The following BCAN variants were observed in gnomAD, a reference collection of about 807,000 sequenced individuals.
The protein encoded by BCAN is brevican.
A neutral mutation model predicts 92.4 loss-of-function variants in BCAN; 51 were observed. The observed-to-expected ratio is 0.55, with a 90% CI of 0.44 to 0.70. The LOEUF is 0.70. Among genes scored for constraint, BCAN ranks in the 30% least tolerant of loss-of-function variants. BCAN has a pLI of 0.00. For missense variants in BCAN, 1,140 were observed against 1,212.1 expected (o/e 0.94, Z 0.88); for synonymous variants, 501 against 505.2 (o/e 0.99, Z 0.11).
chr1:156,652,353 A>G lies in BCAN; in HGVS notation c.1403A>G (p.Glu468Gly). The change falls in exon 8 of 14, where the codon GAA (glutamate) becomes GGA (glycine). Residue 468 changes from glutamate (E) to glycine (G), a missense_variant. Coordinates refer to ENST00000329117, the MANE Select transcript of BCAN (RefSeq NM_021948.5). ...GAAGATGAAGAAGAGAAAGAGGAGG[A>G]AGAAGAAGAGGAGGAGGTGGAGGAT... The part of the protein sequence containing the change: ...KYEDEEEKEE[E>G]EEEEEVEDEA... The G allele has an allele frequency of 6.2e-7, 1 of 1,613,812 alleles. No individual in the cohort carries two copies. The highest frequency in any genetic ancestry group is 8.5e-7 in the Non-Finnish European group (1 of 1,179,842).
chr1:156,647,100 G>C lies in BCAN; in HGVS notation c.391G>C (p.Asp131His). Residue 131 changes from aspartate (D) to histidine (H), a missense_variant, in exon 3 of 14, where the codon GAC becomes CAC. Around this residue, in one of 3 missense-constraint regions of BCAN, gnomAD observed 286 missense variants for 284.1 expected, o/e 1.01. Coordinates refer to ENST00000329117, the MANE Select transcript of BCAN (RefSeq NM_021948.5). This position sits in a 1 kb window ranked among gnomAD's most constrained non-coding sequence, Gnocchi z 4.8. Reference protein sequence around the residue: ...SLALSELRPNDSGIYRCEVQH... With the variant: ...SLALSELRPNHSGIYRCEVQH... ...GGCGCTGAGCGAGCTGCGCCCCAAC[G>C]ACTCAGGTATCTATCGCTGTGAGGT... The C allele has an allele frequency of 6.2e-7, 1 of 1,605,864 alleles. No individual in the cohort carries two copies. The highest frequency in any genetic ancestry group is 8.5e-7 in the Non-Finnish European group (1 of 1,174,102).
At chr1:156,655,187 C>T (rs546680684) in intron 8 of BCAN, among the ~76,000 whole-genome samples, 2 of 152,230 alleles carry the variant, frequency 1.3e-5, no homozygotes, top group Non-Finnish European at 2.9e-5. Context: ...TCCTTTGGGT[C>T]ATCTGAACCA....
At chr1:156,653,342 C>CA (rs1557990912) in intron 8 of BCAN, 1 of 1,048,368 alleles carries the variant, frequency 9.5e-7, no homozygotes, top group Non-Finnish European at 1.1e-6. Context: ...TCTCACCCCT[C>CA]AACCTCCGGA....
rs1679057382 is a variant in BCAN, at chr1:156,648,509, G to T, written c.770-59G>T. 19 of 1,509,834 alleles carry T rather than the reference G, an allele frequency of 1.3e-5. No individual in the cohort carries two copies. In the South Asian group the frequency reaches 2.0e-4, roughly 16 times the overall value. 93.5% of individuals were successfully genotyped at this position (1,509,834 alleles called of 1,614,324 possible). A position where few individuals can be genotyped will look rare whatever the true frequency, so the allele number is the denominator to read the frequency against. On this transcript the variant is annotated intron_variant, in intron 5 of 13. Transcript: ENST00000329117. ...AAGCTTGCCCAGGGTTCCCATGGGA[G>T]ACCAGAGTGGAAGGAGCTACCAGCT...
chr1:156,656,107 C>G (rs1043711464), intron 8 of BCAN, among the ~76,000 whole-genome samples, 175 bp from the exon 9 acceptor site: 2 of 152,162 alleles, frequency 1.3e-5, no homozygotes, highest in Non-Finnish European at 2.9e-5. Context: ...AAACCCAGAA[C>G]TCAGGGCTGG....
rs778115371 is a variant in BCAN at position 156,657,729 on chromosome 1, A to T, written c.2264A>T (p.Asp755Val). Residue 755 changes from aspartate to valine, a missense_variant, in exon 11 of 14, where the codon GAC becomes GTC. By Grantham distance (152) the Asp-to-Val change is radical. This residue lies in a region of BCAN where 825 missense variants were observed against 871.8 expected (regional missense o/e 0.95). Coordinates refer to ENST00000329117, the MANE Select transcript of BCAN (RefSeq NM_021948.5). ...IGLNDRTIEG[D>V]FLWSDGVPLL... ...CTCAACGACAGGACCATCGAAGGCG[A>T]CTTCTTGTGGTCGGATGGCGTCCCC... The T allele has an allele frequency of 1.1e-5, 17 of 1,612,162 alleles. No individual in the cohort carries two copies. Among genetic ancestry groups the T allele is most frequent in the African/African-American group, 2.7e-5 (2 of 74,698 alleles).
At position 156,653,229 on chromosome 1, in the gene BCAN, C is replaced by T. The variant is rs182618187; in HGVS notation, c.1942+337C>T. The T allele has an allele frequency of 1.3e-5, 16 of 1,270,594 alleles. No individual in the cohort carries two copies. In the Admixed American group the frequency reaches 3.8e-4, roughly 30 times the overall value. The allele number at this position is 1,270,594 out of a possible 1,614,324, so 78.7% of individuals were successfully genotyped here. Reference sequence around the variant, plus strand: ...CTCCAAGGGTCCTCATCACCTATTGCAGCCTTCAGGGCTCGGCCTATTTTC... The same window carrying T: ...CTCCAAGGGTCCTCATCACCTATTGTAGCCTTCAGGGCTCGGCCTATTTTC... On this transcript the variant is annotated intron_variant, in intron 8 of 13. Coordinates refer to ENST00000329117, the MANE Select transcript of BCAN (RefSeq NM_021948.5).
chr1:156,646,029 C>T lies in BCAN; in HGVS notation c.-8-18C>T. On this transcript the variant is annotated intron_variant, in intron 1 of 13. Coordinates refer to ENST00000329117, the MANE Select transcript of BCAN (RefSeq NM_021948.5). ...CTGAAGTCTAACCCCATCTTTCCTT[C>T]TCATGTCCCTCTGTCAGCCTGCAGC... 3.1e-6 allele frequency: 5 copies of T among 1,602,144 alleles called. No homozygotes were observed. The highest frequency in any genetic ancestry group is 4.3e-6 in the Non-Finnish European group (5 of 1,170,982).
rs80007792 is a variant in BCAN, at chr1:156,650,109, G to A, written c.1063+1248G>A. Among the ~76,000 whole-genome samples, 896 of 152,206 alleles carry A rather than the reference G, an allele frequency of 5.9e-3. 6 individuals are homozygous for A. Among genetic ancestry groups the A allele is most frequent in the Non-Finnish European group, 0.01 (700 of 68,004 alleles). Reference sequence around the variant, plus strand: ...ATAGGAAGACAGGTCCATCTGAAAAGACCTCCTGGAACAGGGGTAGTAGTA... The same window carrying A: ...ATAGGAAGACAGGTCCATCTGAAAAAACCTCCTGGAACAGGGGTAGTAGTA... On this transcript the variant is annotated intron_variant, in intron 6 of 13. Coordinates refer to ENST00000329117, the MANE Select transcript of BCAN (RefSeq NM_021948.5).
intron 2 of BCAN, among the ~76,000 whole-genome samples, chr1:156,646,347 T>C (rs1678961977): frequency 6.6e-6 from 1 of 151,954 alleles, no homozygotes; most frequent in Non-Finnish European, 1.5e-5. Flanking sequence ...GGGCACTGGG[T>C]GCAAGGCTTT....
Position 156,647,832 on chromosome 1 carries a change from C to T in BCAN, c.641+150C>T. The stretch of plus-strand genomic sequence containing the variant: ...CTGGTCTGAGGAGGGGAGGTGAGGA[C>T]CCTGAGCATGTGCATCCCTGCAGTG... On this transcript the variant is annotated intron_variant, in intron 4 of 13. Coordinates refer to ENST00000329117, the MANE Select transcript of BCAN (RefSeq NM_021948.5). This position sits in a 1 kb window ranked among gnomAD's most constrained non-coding sequence, Gnocchi z 4.8. The T allele has an allele frequency of 6.5e-7, 1 of 1,532,042 alleles. No individual in the cohort carries two copies. Among genetic ancestry groups the T allele is most frequent in the Non-Finnish European group, 9.0e-7 (1 of 1,110,054 alleles). The allele number at this position is 1,532,042 out of a possible 1,614,324, so 94.9% of individuals were successfully genotyped here. A position where few individuals can be genotyped will look rare whatever the true frequency, so the allele number is the denominator to read the frequency against.
chr1:156,656,218 G>C lies in BCAN; in HGVS notation c.1943-64G>C, dbSNP rs550306907. ...GGGGGACCCTCTGCACCCTCTCCTG[G>C]AGGGCTCAGGCTGCAGAGTGCGGCT... On this transcript the variant is annotated intron_variant, in intron 8 of 13. Transcript: ENST00000329117. 1.7e-5 allele frequency: 20 copies of C among 1,205,166 alleles called. No homozygotes were observed. The South Asian group carries it at 3.3e-4, about 20-fold the overall frequency. The allele number at this position is 1,205,166 out of a possible 1,614,324, so 74.7% of individuals were successfully genotyped here. A position where few individuals can be genotyped will look rare whatever the true frequency, so the allele number is the denominator to read the frequency against.
chr1:156,650,761 G>A (rs973798772), intron 6 of BCAN, among the ~76,000 whole-genome samples: 2 of 152,098 alleles, frequency 1.3e-5, no homozygotes, highest in African/African-American at 4.8e-5. Context: ...TGGCAAACAC[G>A]GGGAAACCCT....
At position 156,656,279 on chromosome 1, in the gene BCAN, C is replaced by G. The variant is rs745884694; in HGVS notation, c.1943-3C>G. On this transcript the variant is annotated splice_polypyrimidine_tract_variant and splice_region_variant and intron_variant, in intron 8 of 13. Transcript: ENST00000329117. ...CCCCGCCTCACTTCTTTCCCCCTCTCAGGTGACTGTGTCCCCAGCCCCTGC... is the reference window on the plus strand; with the variant it reads ...CCCCGCCTCACTTCTTTCCCCCTCTGAGGTGACTGTGTCCCCAGCCCCTGC... 2.0e-6 allele frequency: 3 copies of G among 1,473,650 alleles called. No individual in the cohort carries two copies. In the South Asian group the frequency reaches 4.8e-5, roughly 23 times the overall value. The allele number at this position is 1,473,650 out of a possible 1,614,324, so 91.3% of individuals were successfully genotyped here.
chr1:156,656,025 C>T (rs1679311103), intron 8 of BCAN, among the ~76,000 whole-genome samples: 1 of 152,122 alleles, frequency 6.6e-6, no homozygotes, highest in African/African-American at 2.4e-5. Context: ...CCCTTTTGGG[C>T]TGGGCTCACA....
In BCAN at chr1:156,658,071, C is replaced by T; in HGVS notation, c.2293-56C>T. 6.3e-7 allele frequency: 1 copy of T among 1,586,388 alleles called. No individual in the cohort carries two copies. Among genetic ancestry groups the T allele is most frequent in the Non-Finnish European group, 8.6e-7 (1 of 1,162,364 alleles). On this transcript the variant is annotated intron_variant, in intron 11 of 13. Coordinates refer to ENST00000329117, the MANE Select transcript of BCAN (RefSeq NM_021948.5). The surrounding 1 kb of genome is among the most constrained non-coding windows in gnomAD (Gnocchi z 4.4). ...AGCCCTCCTCCCCAGATCCTCTAGG[C>T]CCTCTCCCGGTGCTCCTGGTGTAGG...
rs764323074 is a variant in BCAN, at chr1:156,658,278, G to A, written c.2437+7G>A. 35 of 1,613,186 alleles carry A rather than the reference G, an allele frequency of 2.2e-5. No individual in the cohort carries two copies. Among genetic ancestry groups the A allele is most frequent in the South Asian group, 1.5e-4 (14 of 90,878 alleles). On this transcript the variant is annotated splice_region_variant and intron_variant, in intron 12 of 13. Transcript: ENST00000329117. The surrounding 1 kb of genome is among the most constrained non-coding windows in gnomAD (Gnocchi z 4.4). ...ACCTGCAAGATGGGGCTGGGTGAGG[G>A]CAGGCAAAGGAGGGTCCCAGCAAGG...
At chr1:156,656,471 T>C (rs1679332948) in intron 9 of BCAN, 82 bp downstream of exon 9, 9 of 1,141,726 alleles carry the variant, frequency 7.9e-6, no homozygotes, top group Non-Finnish European at 9.3e-6. Flanking sequence ...AGGGAGAACA[T>C]TGGTTTTGGC....
rs1571454104 is a variant in BCAN, at chr1:156,658,315, T to G, written c.2437+44T>G. The G allele has an allele frequency of 6.2e-7, 1 of 1,604,100 alleles. No individual in the cohort carries two copies. Among genetic ancestry groups the G allele is most frequent in the South Asian group, 1.1e-5 (1 of 89,224 alleles). ...GGGTCCCAGCAAGGAAGTGGAGGGG[T>G]GGGCTAGGGGACCAGAGGGACTGAT... is the stretch of plus-strand genomic sequence containing the variant. On this transcript the variant is annotated intron_variant, in intron 12 of 13. Transcript: ENST00000329117. The surrounding 1 kb of genome is among the most constrained non-coding windows in gnomAD (Gnocchi z 4.4).
Sources: allele counts gnomAD v4.1 joint callset (sites outside exome capture counted in the v4.1 genomes callset), GRCh38; gene constraint gnomAD v4.1.1; regional missense constraint gnomAD v4.1.1; non-coding constraint Gnocchi (gnomAD v3.1); transcripts MANE v1.5; gene names NCBI Gene and HGNC (gene_info 2026-07-23, HGNC 2026-07-21).